PDE3B: variants seen among roughly 807,000 people sequenced by gnomAD.
PDE3B encodes the protein phosphodiesterase 3B, also known as cGMP-inhibited 3',5'-cyclic phosphodiesterase 3B.
PDE3B carries 66 observed loss-of-function variants against 116.8 expected under a neutral mutation model. That is an observed-to-expected ratio of 0.56 (90% confidence interval 0.46 to 0.69). The LOEUF (loss-of-function observed/expected upper bound fraction) is 0.69, where lower values mean the gene tolerates loss of function less well. PDE3B is among the 30% of genes least tolerant of loss of function. The probability of loss-of-function intolerance (pLI) is 0.00; values close to 1 mark genes in which losing one functional copy is unlikely to be tolerated. For missense variants in PDE3B, 1,384 were observed against 1,368.1 expected, an observed-to-expected ratio of 1.01 and a Z score of -0.18; for synonymous variants, 595 against 533.6, an observed-to-expected ratio of 1.12 and a Z score of -1.59.
chr11:14,762,874 C>T (rs1245867894), intron 1 of PDE3B, among the ~76,000 whole-genome samples: 1 of 152,170 alleles, frequency 6.6e-6, no homozygotes, highest in African/African-American at 2.4e-5. Context: ...GGGATTCCCA[C>T]TAACTGAGAT....
At chr11:14,761,644 T>C (rs1857363096) in intron 1 of PDE3B, among the ~76,000 whole-genome samples, 1 of 152,148 alleles carries the variant, frequency 6.6e-6, no homozygotes. Context: ...ACCATGATGA[T>C]CCCTGGGGAA....
At chr11:14,691,104 T>C (rs1855030068) in intron 1 of PDE3B, among the ~76,000 whole-genome samples, 2 of 152,192 alleles carry the variant, frequency 1.3e-5, no homozygotes, top group Admixed American at 6.6e-5. Flanking sequence ...AGGAGTGTTC[T>C]AAATAGTAGA....
chr11:14,692,760 C>T (rs1169347409), intron 1 of PDE3B, among the ~76,000 whole-genome samples: 1 of 152,114 alleles, frequency 6.6e-6, no homozygotes, highest in Non-Finnish European at 1.5e-5. Context: ...CCTCCCTATT[C>T]CCTGAGACAC....
chr11:14,840,727 G>A (rs1165083158), intron 11 of PDE3B, among the ~76,000 whole-genome samples: 1 of 152,178 alleles, frequency 6.6e-6, no homozygotes, highest in Non-Finnish European at 1.5e-5. Flanking sequence ...AATCCTTCCA[G>A]TGAGCAGGTC....
rs113803419 is a variant in PDE3B at position 14,861,210 on chromosome 11, T to C, written c.2730T>C (p.Asn910=). The change falls in exon 14 of 16, where the codon AAT becomes AAC. Residue 910 remains asparagine (N), a synonymous_variant. Coordinates refer to ENST00000282096, the MANE Select transcript of PDE3B (RefSeq NM_000922.4). ...DFLAEFNAKA[N]DVNSNGIEWS... ...ATGTTGTTTTTCCAAAATAGGCAAATGATGTAAATAGTAATGGCATAGAAT... is the reference window on the plus strand; with the variant it reads ...ATGTTGTTTTTCCAAAATAGGCAAACGATGTAAATAGTAATGGCATAGAAT... The C allele has an allele frequency of 7.8e-4, 1,250 of 1,604,948 alleles. 9 individuals are homozygous for C. The African/African-American group carries it at 0.012, about 16-fold the overall frequency.
At chr11:14,823,606 T>C (rs548143917) in intron 7 of PDE3B, among the ~76,000 whole-genome samples, 4 of 152,242 alleles carry the variant, frequency 2.6e-5, no homozygotes, top group African/African-American at 9.6e-5. Context: ...CAGCCATCTC[T>C]GCTGGTGTTT....
At chr11:14,708,573 T>C (rs1336750829) in intron 1 of PDE3B, among the ~76,000 whole-genome samples, 1 of 152,046 alleles carries the variant, frequency 6.6e-6, no homozygotes, top group African/African-American at 2.4e-5. Flanking sequence ...CTATAAAGAA[T>C]GTTATTGGAT....
chr11:14,884,196 A>T, the PDE3B span, among the ~76,000 whole-genome samples: 2 of 151,982 alleles, frequency 1.3e-5, no homozygotes, highest in Admixed American at 6.5e-5. Flanking sequence ...TACCCAAAGG[A>T]CTATAAATCA....
intron 1 of PDE3B, among the ~76,000 whole-genome samples, chr11:14,682,960 G>A (rs570617655): frequency 5.4e-5 from 8 of 147,532 alleles, no homozygotes; most frequent in South Asian, 2.1e-4. Flanking sequence ...TTTTTGAGAC[G>A]GAGTTTGGCT....
chr11:14,733,231 A>G (rs978915485), intron 1 of PDE3B, among the ~76,000 whole-genome samples: 1 of 152,202 alleles, frequency 6.6e-6, no homozygotes, highest in Admixed American at 6.5e-5. Context: ...TGTCAGTTGT[A>G]TTGAAAGATT....
intron 1 of PDE3B, among the ~76,000 whole-genome samples, chr11:14,729,765 A>G (rs1374226219): frequency 2.0e-5 from 3 of 152,234 alleles, no homozygotes; most frequent in Non-Finnish European, 4.4e-5. Context: ...ATAATCTAAA[A>G]TTTTGTTTTA....
chr11:14,649,682 A>G (rs1853511564), intron 1 of PDE3B, among the ~76,000 whole-genome samples: 1 of 152,242 alleles, frequency 6.6e-6, no homozygotes, highest in South Asian at 2.1e-4. Context: ...AATGACCTTG[A>G]TGACAAACTT....
At chr11:14,711,048 A>C (rs1327855905) in intron 1 of PDE3B, among the ~76,000 whole-genome samples, 1 of 152,194 alleles carries the variant, frequency 6.6e-6, no homozygotes, top group African/African-American at 2.4e-5. Flanking sequence ...TGATTTTTTT[A>C]AGGAAGATCT....
At chr11:14,672,655 T>A (rs1226786784) in intron 1 of PDE3B, among the ~76,000 whole-genome samples, 1 of 152,168 alleles carries the variant, frequency 6.6e-6, no homozygotes, top group Admixed American at 6.5e-5. Flanking sequence ...TTCCTTTATG[T>A]TGCTCTGCCA....
the PDE3B span, chr11:14,878,325 T>C: frequency 6.2e-7 from 1 of 1,608,032 alleles, no homozygotes; most frequent in Non-Finnish European, 8.5e-7. Flanking sequence ...ATACAATAAT[T>C]TTTTAAACCC....
intron 4 of PDE3B, among the ~76,000 whole-genome samples, chr11:14,794,748 C>G (rs942662466): frequency 6.6e-6 from 1 of 152,198 alleles, no homozygotes; most frequent in Non-Finnish European, 1.5e-5. Context: ...GTGCTTCTGA[C>G]CAACCAGCTG....
chr11:14,869,818 T>C lies in PDE3B; in HGVS notation c.*158T>C. ...GAGAGGATCCTTGCTCTGCTGGCAG[T>C]TTCCCACTCCTATGCACTTTCACAG... On this transcript the variant is annotated 3_prime_UTR_variant, in exon 16 of 16. Transcript: ENST00000282096. 2 of 602,838 alleles carry C rather than the reference T, an allele frequency of 3.3e-6. No individual in the cohort carries two copies. Among genetic ancestry groups the C allele is most frequent in the Non-Finnish European group, 5.7e-6 (2 of 348,604 alleles). 37.3% of individuals were successfully genotyped at this position (602,838 alleles called of 1,614,324 possible). A position where few individuals can be genotyped will look rare whatever the true frequency, so the allele number is the denominator to read the frequency against.
intron 2 of PDE3B, among the ~76,000 whole-genome samples, chr11:14,782,195 T>C (rs2133910712): frequency 6.6e-6 from 1 of 152,088 alleles, no homozygotes; most frequent in Middle Eastern, 3.4e-3. Context: ...CAAAGTCATT[T>C]ATAGATTCAA....
rs146514604 is a variant in PDE3B at position 14,675,347 on chromosome 11, C to T, written c.978+30294C>T. On this transcript the variant is annotated intron_variant, in intron 1 of 15. Coordinates refer to ENST00000282096, the MANE Select transcript of PDE3B (RefSeq NM_000922.4). The stretch of plus-strand genomic sequence containing the variant: ...TGATTCAGTATTTTTTCTTTCTTAT[C>T]AATATTGTTATTCATTTTATTTTTT... Among the ~76,000 whole-genome samples the T allele has an allele frequency of 4.5e-3, 686 of 151,736 alleles. 3 individuals are homozygous for T. The highest frequency in any genetic ancestry group is 0.015 in the African/African-American group (610 of 41,402).
Sources: gnomAD v4.1 joint callset for allele counts (sites outside exome capture counted in the v4.1 genomes callset) on GRCh38, gnomAD v4.1.1 for gene constraint, MANE v1.5 for transcripts, NCBI Gene and HGNC (gene_info 2026-07-23, HGNC 2026-07-21) for gene names.